The following SLC38A12 variants were observed in gnomAD, a reference collection of about 807,000 sequenced individuals.
SLC38A12 encodes the protein solute carrier family 38 member 12, also known as putative sodium-coupled neutral amino acid transporter 12.
the SLC38A12 span, among the ~76,000 whole-genome samples, chr17:74,829,170 CT>C: frequency 1.3e-5 from 2 of 152,294 alleles, no homozygotes; most frequent in African/African-American, 4.8e-5. This position sits in a 1 kb window ranked among gnomAD's most constrained non-coding sequence, Gnocchi z 4.1. Context: ...GTCACCCAGG[CT>C]GGAGTGCAGT....
chr17:74,797,492 A>G, the SLC38A12 span, among the ~76,000 whole-genome samples: 1 of 152,106 alleles, frequency 6.6e-6, no homozygotes, highest in Non-Finnish European at 1.5e-5. Flanking sequence ...TCCTTCCCCC[A>G]TAGCCCAGTC....
chr17:74,816,053 A>G, the SLC38A12 span, among the ~76,000 whole-genome samples: 1 of 152,332 alleles, frequency 6.6e-6, no homozygotes, highest in African/African-American at 2.4e-5. Context: ...CTTCCTGTCC[A>G]GAGGACAGAA....
chr17:74,816,806 T>A, the SLC38A12 span, among the ~76,000 whole-genome samples: 1 of 151,840 alleles, frequency 6.6e-6, no homozygotes, highest in African/African-American at 2.4e-5. Flanking sequence ...CATTTGGGGG[T>A]TGGAAAATTG....
At chr17:74,810,197 T>C in the SLC38A12 span, among the ~76,000 whole-genome samples, 1 of 152,200 alleles carries the variant, frequency 6.6e-6, no homozygotes, top group Non-Finnish European at 1.5e-5. Flanking sequence ...GCCATGGTTT[T>C]TTACTGAAGA....
the SLC38A12 span, among the ~76,000 whole-genome samples, chr17:74,822,432 G>A: frequency 2.0e-5 from 3 of 152,272 alleles, no homozygotes; most frequent in African/African-American, 7.2e-5. Flanking sequence ...CTCGAGAGAG[G>A]CTTTTGGCAG....
At chr17:74,788,817 G>A in the SLC38A12 span, 5 of 1,613,440 alleles carry the variant, frequency 3.1e-6, no homozygotes, top group Non-Finnish European at 4.2e-6. Context: ...TGTGATAGAG[G>A]CCATGGCTGC....
chr17:74,836,474 G>A, the SLC38A12 span: 1 of 1,609,998 alleles, frequency 6.2e-7, no homozygotes, highest in Non-Finnish European at 8.5e-7. The surrounding 1 kb of genome is among the most constrained non-coding windows in gnomAD (Gnocchi z 4.2). Flanking sequence ...GCATCACAGG[G>A]GCCTACGCGG....
At chr17:74,836,651 C>T in the SLC38A12 span, 1 of 1,611,422 alleles carries the variant, frequency 6.2e-7, no homozygotes, top group East Asian at 2.2e-5. The surrounding 1 kb of genome is among the most constrained non-coding windows in gnomAD (Gnocchi z 4.2). Flanking sequence ...TCATTTTCGT[C>T]ACGGCCAATA....
chr17:74,836,372 G>C, the SLC38A12 span: 3 of 1,612,390 alleles, frequency 1.9e-6, no homozygotes, highest in Admixed American at 3.3e-5. The surrounding 1 kb of genome is among the most constrained non-coding windows in gnomAD (Gnocchi z 4.2). Context: ...GCACGTACCC[G>C]TGGGTGGTGG....
At chr17:74,796,787 C>G in the SLC38A12 span, among the ~76,000 whole-genome samples, 2 of 152,272 alleles carry the variant, frequency 1.3e-5, no homozygotes, top group Non-Finnish European at 2.9e-5. Flanking sequence ...CCCTTCTCCA[C>G]CTTCCCCAGC....
the SLC38A12 span, among the ~76,000 whole-genome samples, chr17:74,833,326 G>C: frequency 6.6e-6 from 1 of 152,356 alleles, no homozygotes; most frequent in East Asian, 1.9e-4. Flanking sequence ...CCATGGCTTT[G>C]TTCTAGCTGA....
the SLC38A12 span, chr17:74,777,806 C>G: frequency 7.9e-6 from 3 of 377,548 alleles, no homozygotes; most frequent in African/African-American, 6.4e-5. Flanking sequence ...CCCAGCTACT[C>G]GGGAGGCTGA....
the SLC38A12 span, among the ~76,000 whole-genome samples, chr17:74,793,195 C>A: frequency 6.6e-6 from 1 of 152,180 alleles, no homozygotes; most frequent in Non-Finnish European, 1.5e-5. Context: ...CAAGCTCAGT[C>A]CTGTTGATGT....
chr17:74,778,421 A>G, the SLC38A12 span, among the ~76,000 whole-genome samples: 11,637 of 152,190 alleles, frequency 0.076, 679 homozygotes, highest in African/African-American at 0.16. Flanking sequence ...CCTGCCTTGT[A>G]CATAGCTTCC....
At chr17:74,787,744 C>T in the SLC38A12 span, among the ~76,000 whole-genome samples, 5 of 151,966 alleles carry the variant, frequency 3.3e-5, no homozygotes, top group Non-Finnish European at 4.4e-5. Flanking sequence ...CTGTATCCTC[C>T]GTTAACAAAA....
the SLC38A12 span, among the ~76,000 whole-genome samples, chr17:74,829,497 G>T: frequency 6.6e-6 from 1 of 152,114 alleles, no homozygotes; most frequent in Non-Finnish European, 1.5e-5. The surrounding 1 kb of genome is among the most constrained non-coding windows in gnomAD (Gnocchi z 4.1). Flanking sequence ...CTGGTGGTCA[G>T]CACGGCTCTA....
the SLC38A12 span, chr17:74,777,639 G>A: frequency 7.0e-7 from 1 of 1,430,550 alleles, no homozygotes; most frequent in Non-Finnish European, 9.2e-7. Flanking sequence ...TTAATCCCGG[G>A]CTGGGCACGG....
At chr17:74,818,056 A>G in the SLC38A12 span, among the ~76,000 whole-genome samples, 3 of 152,198 alleles carry the variant, frequency 2.0e-5, no homozygotes, top group African/African-American at 4.8e-5. Flanking sequence ...GAAATTCATC[A>G]GTGGAAAGTT....
the SLC38A12 span, among the ~76,000 whole-genome samples, chr17:74,795,901 C>T: frequency 6.6e-6 from 1 of 152,364 alleles, no homozygotes; most frequent in South Asian, 2.1e-4. Flanking sequence ...AGGACCGTGA[C>T]TGTTGTAAAC....
Sources: gnomAD v4.1 joint callset for allele counts (sites outside exome capture counted in the v4.1 genomes callset) on GRCh38, gnomAD v4.1.1 for gene constraint, Gnocchi (gnomAD v3.1) non-coding constraint, MANE v1.5 for transcripts, NCBI Gene and HGNC (gene_info 2026-07-23, HGNC 2026-07-21) for gene names.